Variants in ALLC observed in about 807,000 individuals in gnomAD.
The protein encoded by ALLC is probable inactive allantoicase.
ALLC carries 40 observed loss-of-function variants against 45.0 expected under a neutral mutation model. The ratio of observed to expected loss-of-function variants is 0.89; its 90% CI spans 0.69 to 1.16. The LOEUF (loss-of-function observed/expected upper bound fraction) is 1.16. ALLC is among the 50% of genes most tolerant of loss of function. The probability of loss-of-function intolerance (pLI) is 0.00; values close to 1 mark genes in which losing one functional copy is unlikely to be tolerated. For missense variants in ALLC, 488 were observed against 493.1 expected (o/e 0.99, Z 0.10); for synonymous variants, 176 against 178.1 (o/e 0.99, Z 0.09).
chr2:3,660,676 A>AT (rs1320296390), intron 1 of ALLC, among the ~76,000 whole-genome samples: 5 of 152,256 alleles, frequency 3.3e-5, no homozygotes, highest in South Asian at 4.1e-4. Flanking sequence ...CTGCTGTATC[A>AT]TTCCCCTATT....
At chr2:3,681,787 G>A (rs993404221) in intron 6 of ALLC, 74 bp downstream of exon 6, 1 of 1,195,474 alleles carries the variant, frequency 8.4e-7, no homozygotes, top group East Asian at 2.6e-5. Context: ...TGCACACCTG[G>A]CTGTGCAAGG....
At chr2:3,700,159 T>G (rs1312278716) in intron 10 of ALLC, among the ~76,000 whole-genome samples, 1 of 152,230 alleles carries the variant, frequency 6.6e-6, no homozygotes, top group Non-Finnish European at 1.5e-5. Context: ...TTAATCAATC[T>G]TGAGTTGATT....
chr2:3,681,533 G>A, intron 5 of ALLC, 101 bp from the exon 6 acceptor site: 1 of 745,150 alleles, frequency 1.3e-6, no homozygotes, highest in South Asian at 1.9e-5. Context: ...TATCTTTAGT[G>A]TTATTTGCAA....
chr2:3,669,260 T>A (rs1169026192), intron 1 of ALLC, among the ~76,000 whole-genome samples: 1 of 151,906 alleles, frequency 6.6e-6, no homozygotes, highest in African/African-American at 2.4e-5. Context: ...GATCACGAAG[T>A]CAGGAGATGG....
At chr2:3,694,689 C>T (rs1667613635) in intron 7 of ALLC, 1 of 152,078 alleles carries the variant, frequency 6.6e-6, no homozygotes, top group African/African-American at 2.4e-5. Context: ...GGGTTTTATG[C>T]CAATGAAGTT....
rs371997299 is a variant in ALLC, at chr2:3,702,441, A to G, written c.1054A>G (p.Ile352Val). Reference protein sequence around the residue: ...QDVITHARLTIVPDGGVSRLR... With the variant: ...QDVITHARLTVVPDGGVSRLR... ...TGTCATCACTCACGCCAGGCTCACC[A>G]TCGTCCCCGACGGGGGAGTGAGCCG... Residue 352 changes from isoleucine (I) to valine (V), a missense_variant, in exon 12 of 12, where the codon ATC becomes GTC. Transcript: ENST00000252505. 2.7e-5 allele frequency: 44 copies of G among 1,612,680 alleles called. No homozygotes were observed. The African/African-American group carries it at 4.7e-4, about 17-fold the overall frequency.
chr2:3,696,313 A>G lies in ALLC; in HGVS notation c.706A>G (p.Thr236Ala). The change falls in exon 9 of 12, where the codon ACT becomes GCT. Residue 236 changes from threonine to alanine, a missense_variant. Physicochemically the swap from Thr to Ala is moderately conservative, Grantham distance 58. Transcript: ENST00000252505. ...AAAGTCTATGGCGGATGGTTGGGAA[A>G]CTGCAAGAAGGCTGGACCGGCCACC... is the stretch of plus-strand genomic sequence containing the variant. ...GAKSMADGWE[T>A]ARRLDRPPIL... is the part of the protein sequence containing the mutation. 1.2e-6 allele frequency: 2 copies of G among 1,613,766 alleles called. No individual in the cohort carries two copies. Among genetic ancestry groups the G allele is most frequent in the Middle Eastern group, 1.6e-4 (1 of 6,062 alleles).
chr2:3,650,408 C>T, the ALLC span, among the ~76,000 whole-genome samples: 42 of 152,310 alleles, frequency 2.8e-4, no homozygotes, highest in Non-Finnish European at 3.7e-4. Context: ...CCTGCCTTGC[C>T]AGGACTGATG....
chr2:3,650,931 A>T, the ALLC span, among the ~76,000 whole-genome samples: 1 of 152,314 alleles, frequency 6.6e-6, no homozygotes, highest in East Asian at 1.9e-4. Flanking sequence ...AGTCAGAACC[A>T]TTACCCTGAT....
chr2:3,697,103 G>T (rs979130190), intron 9 of ALLC, among the ~76,000 whole-genome samples: 52 of 152,110 alleles, frequency 3.4e-4, no homozygotes, highest in Admixed American at 2.9e-3. Flanking sequence ...ATCTATAATT[G>T]ACATAGAAAT....
the ALLC span, among the ~76,000 whole-genome samples, chr2:3,647,411 A>G: frequency 6.6e-6 from 1 of 152,050 alleles, no homozygotes; most frequent in African/African-American, 2.4e-5. Context: ...TCTTGGGGCA[A>G]TTCCCATGCT....
In ALLC at chr2:3,702,639, C is replaced by A; in HGVS notation, c.*76C>A. 1 of 1,390,566 alleles carries A rather than the reference C, an allele frequency of 7.2e-7. No homozygotes were observed. The highest frequency in any genetic ancestry group is 9.6e-7 in the Non-Finnish European group (1 of 1,043,442). The allele number at this position is 1,390,566 out of a possible 1,614,324, so 86.1% of individuals were successfully genotyped here. ...GTCTTCTTTTCAAATGTTTTGAACA[C>A]CTGGTGATTTAATAAAGTGGTCGTC... is the stretch of plus-strand genomic sequence containing the variant. On this transcript the variant is annotated 3_prime_UTR_variant, in exon 12 of 12. Coordinates refer to ENST00000252505, the MANE Select transcript of ALLC (RefSeq NM_018436.4).
At chr2:3,658,894 A>C (rs954194759) in intron 1 of ALLC, among the ~76,000 whole-genome samples, 21 of 151,796 alleles carry the variant, frequency 1.4e-4, no homozygotes, top group Non-Finnish European at 2.4e-4. Context: ...AAAAAAAAAA[A>C]ACCTAAACAA....
the ALLC span, among the ~76,000 whole-genome samples, chr2:3,651,297 T>G: frequency 0.22 from 365 of 1,648 alleles, 82 homozygotes; most frequent in African/African-American, 0.26. Flanking sequence ...GAATTCTTTT[T>G]GGGTGGGTGG....
intron 4 of ALLC, among the ~76,000 whole-genome samples, 166 bp downstream of exon 4, chr2:3,678,721 G>GGGCA (rs1667093463): frequency 1.3e-5 from 2 of 152,340 alleles, no homozygotes; most frequent in South Asian, 4.1e-4. Context: ...AGTCAGGAAG[G>GGGCA]GGCAGCGTGA....
At position 3,681,659 on chromosome 2, in the gene ALLC, A is replaced by G; in HGVS notation, c.324A>G (p.Arg108=). 6.2e-7 allele frequency: 1 copy of G among 1,611,072 alleles called. No individual in the cohort carries two copies. Among genetic ancestry groups the G allele is most frequent in the Non-Finnish European group, 8.5e-7 (1 of 1,178,466 alleles). The change falls in exon 6 of 12, where the codon AGA becomes AGG. Residue 108 remains arginine, a synonymous_variant. Coordinates refer to ENST00000252505, the MANE Select transcript of ALLC (RefSeq NM_018436.4). The part of the protein sequence containing the change: ...EEDKLPEIPE[R]GTRTGAAATP... ...ATAAACTACCAGAAATCCCAGAAAG[A>G]GGAACCAGGACAGGAGCTGCAGCCA...
the ALLC span, among the ~76,000 whole-genome samples, chr2:3,651,894 C>A: frequency 6.6e-6 from 1 of 152,182 alleles, no homozygotes; most frequent in African/African-American, 2.4e-5. Context: ...AACTCAAGGT[C>A]ACTGCATGGA....
chr2:3,656,929 C>T (rs918703723), upstream of ALLC, among the ~76,000 whole-genome samples: 5 of 152,160 alleles, frequency 3.3e-5, no homozygotes, highest in African/African-American at 7.2e-5. Context: ...AAAATAGGCC[C>T]TTCTGTTCTC....
At chr2:3,665,082 C>T (rs555207527) in intron 1 of ALLC, among the ~76,000 whole-genome samples, 2 of 151,988 alleles carry the variant, frequency 1.3e-5, no homozygotes, top group Non-Finnish European at 2.9e-5. Flanking sequence ...GTTTGAATAA[C>T]AGGTTTGATG....
Sources: allele counts gnomAD v4.1 joint callset (sites outside exome capture counted in the v4.1 genomes callset), GRCh38; gene constraint gnomAD v4.1.1; transcripts MANE v1.5; gene names NCBI Gene and HGNC (gene_info 2026-07-23, HGNC 2026-07-21).